ANXA11: variants seen among roughly 807,000 people sequenced by gnomAD.
ANXA11 encodes the protein 56 kDa autoantigen.
Under a neutral mutation model 64.7 loss-of-function variants are expected in ANXA11, and 57 were observed. The observed-to-expected ratio is 0.88, with a 90% confidence interval of 0.71 to 1.10. The LOEUF is 1.10. ANXA11 is among the 50% of genes least tolerant of loss of function. The pLI, the probability that ANXA11 is intolerant of heterozygous loss-of-function variation, is 0.00. For synonymous variants in ANXA11, 260 were observed against 265.2 expected (o/e 0.98, Z 0.19); for missense variants, 675 against 670.7 (o/e 1.01, Z -0.07).
chr10:80,158,208 C>T (rs1463983687), intron 13 of ANXA11, among the ~76,000 whole-genome samples, 183 bp from the exon 14 acceptor site: 1 of 152,174 alleles, frequency 6.6e-6, no homozygotes, highest in Non-Finnish European at 1.5e-5. Flanking sequence ...CTATTTGGAA[C>T]AGAAACACGC....
rs961790264 is a variant in ANXA11 at position 80,163,627 on chromosome 10, G to A, written c.950-14C>T. On this transcript the variant is annotated splice_polypyrimidine_tract_variant and intron_variant, in intron 9 of 15. Coordinates refer to ENST00000422982, the MANE Select transcript of ANXA11 (RefSeq NM_145868.2). Reference sequence around the variant, plus strand: ...TCTTTTTGAATTCTGAAAGGGAGAAGCAAGGAAGGTCCATCCTGTAGCTCT... The same window carrying A: ...TCTTTTTGAATTCTGAAAGGGAGAAACAAGGAAGGTCCATCCTGTAGCTCT... 2 of 1,550,152 alleles carry A rather than the reference G, an allele frequency of 1.3e-6. No individual in the cohort carries two copies. The highest frequency in any genetic ancestry group is 1.7e-6 in the Non-Finnish European group (2 of 1,146,848).
At chr10:80,196,304 T>A (rs1840163444) in intron 1 of ANXA11, among the ~76,000 whole-genome samples, 1 of 152,142 alleles carries the variant, frequency 6.6e-6, no homozygotes, top group Non-Finnish European at 1.5e-5. Flanking sequence ...CATGAGAGCA[T>A]CAGTGCTACA....
At chr10:80,156,488 C>T in intron 15 of ANXA11, 2 of 471,380 alleles carry the variant, frequency 4.2e-6, no homozygotes, top group South Asian at 3.1e-5. Flanking sequence ...TGCTGGCATG[C>T]AGGAGATACT....
chr10:80,186,789 C>G (rs529537378), intron 1 of ANXA11, among the ~76,000 whole-genome samples: 1 of 152,168 alleles, frequency 6.6e-6, no homozygotes, highest in Non-Finnish European at 1.5e-5. Context: ...CAACGCAGAC[C>G]GAGAGCACAC....
At chr10:80,192,383 G>A (rs1846815117) in intron 1 of ANXA11, among the ~76,000 whole-genome samples, 1 of 152,092 alleles carries the variant, frequency 6.6e-6, no homozygotes, top group Non-Finnish European at 1.5e-5. Context: ...AAGAAAGGGA[G>A]AGACCAAAAC....
chr10:80,162,993 A>C (rs1488259245), intron 11 of ANXA11, among the ~76,000 whole-genome samples: 1 of 152,144 alleles, frequency 6.6e-6, no homozygotes, highest in African/African-American at 2.4e-5. Context: ...ATCCTCAAAA[A>C]CTTAATAAGC....
intron 1 of ANXA11, among the ~76,000 whole-genome samples, chr10:80,184,039 G>T (rs923234215): frequency 6.6e-6 from 1 of 152,102 alleles, no homozygotes; most frequent in Non-Finnish European, 1.5e-5. Flanking sequence ...ACAAAGTTTT[G>T]TTATGGAGCA....
intron 15 of ANXA11, chr10:80,157,023 G>A (rs950256898): frequency 2.3e-5 from 23 of 985,236 alleles, no homozygotes; most frequent in African/African-American, 2.3e-4. Flanking sequence ...GCCACACAGC[G>A]ATACAACTGT....
chr10:80,169,136 G>A lies in ANXA11; in HGVS notation c.394C>T (p.Pro132Ser), dbSNP rs1404780993. The A allele has an allele frequency of 6.4e-7, 1 of 1,550,814 alleles. No individual in the cohort carries two copies. Among genetic ancestry groups the A allele is most frequent in the South Asian group, 1.3e-5 (1 of 79,274 alleles). Residue 132 changes from proline (P) to serine (S), a missense_variant, in exon 5 of 16, where the codon CCC becomes TCC. Pro to Ser is a moderately conservative substitution (Grantham distance 74). Transcript: ENST00000422982. ...GGCTGCTGTCCGGGGGGTGGCATGG[G>A]CTGGCCCGGCACAGGGGCCCCTGGG... ...PYPGAPVPGQ[P>S]MPPPGQQPPG...
At chr10:80,181,062 C>CA (rs1846337343) in intron 1 of ANXA11, 1 of 152,238 alleles carries the variant, frequency 6.6e-6, no homozygotes, top group Non-Finnish European at 1.5e-5. Flanking sequence ...ATAAATTACT[C>CA]AGTCTGTGAT....
chr10:80,171,065 C>T (rs1195215588), intron 3 of ANXA11, 150 bp from the exon 4 acceptor site: 2 of 1,522,764 alleles, frequency 1.3e-6, no homozygotes. Context: ...ATGAAAACAC[C>T]AGGAGGAAAG....
chr10:80,188,230 T>G (rs2132472437), intron 1 of ANXA11, among the ~76,000 whole-genome samples: 1 of 152,072 alleles, frequency 6.6e-6, no homozygotes, highest in East Asian at 1.9e-4. Context: ...AAGGGACTTC[T>G]CAATTCTGCT....
intron 1 of ANXA11, among the ~76,000 whole-genome samples, chr10:80,184,534 G>A (rs577292772): frequency 1.8e-4 from 28 of 152,278 alleles, no homozygotes; most frequent in African/African-American, 5.8e-4. Flanking sequence ...CCGTGTGTGT[G>A]TGTGAGAGAG....
At chr10:80,171,129 G>A (rs1326025080) in intron 3 of ANXA11, 4 of 1,469,348 alleles carry the variant, frequency 2.7e-6, no homozygotes, top group Non-Finnish European at 3.6e-6. Context: ...TTCCCAGGGA[G>A]GAAGGTGGAG....
intron 1 of ANXA11, among the ~76,000 whole-genome samples, chr10:80,200,056 G>C (rs376652261): frequency 4.6e-5 from 7 of 152,192 alleles, no homozygotes; most frequent in East Asian, 3.8e-4. Flanking sequence ...TGGACCTACA[G>C]GAAGGGGCAG....
chr10:80,181,928 C>T (rs1846369835), intron 1 of ANXA11, among the ~76,000 whole-genome samples: 1 of 152,208 alleles, frequency 6.6e-6, no homozygotes, highest in Non-Finnish European at 1.5e-5. Context: ...AGCAATCATG[C>T]TCTTGGTATT....
At chr10:80,188,255 G>A (rs766199902) in intron 1 of ANXA11, among the ~76,000 whole-genome samples, 43 of 151,802 alleles carry the variant, frequency 2.8e-4, no homozygotes, top group African/African-American at 8.5e-4. Flanking sequence ...GAGTTTTACC[G>A]CAGCCCACAC....
intron 11 of ANXA11, among the ~76,000 whole-genome samples, chr10:80,162,586 C>T (rs777658714): frequency 5.9e-5 from 9 of 152,236 alleles, no homozygotes; most frequent in Non-Finnish European, 1.2e-4. Context: ...TTTCCTCCTC[C>T]GGAAAAGGAG....
At chr10:80,183,421 C>A (rs1280810964) in intron 1 of ANXA11, among the ~76,000 whole-genome samples, 1 of 152,190 alleles carries the variant, frequency 6.6e-6, no homozygotes. Context: ...CTGAAGGGGG[C>A]CTCTTTCAGC....
Sources: allele counts gnomAD v4.1 joint callset (sites outside exome capture counted in the v4.1 genomes callset), GRCh38; gene constraint gnomAD v4.1.1; transcripts MANE v1.5; gene names NCBI Gene and HGNC (gene_info 2026-07-23, HGNC 2026-07-21).